LHX6: variants seen among roughly 807,000 people sequenced by gnomAD.
The protein encoded by LHX6 is LIM/homeobox protein Lhx6.
A neutral mutation model predicts 47.1 loss-of-function variants in LHX6; 15 were observed. The observed-to-expected ratio is 0.32, with a 90% CI of 0.21 to 0.49. The LOEUF (loss-of-function observed/expected upper bound fraction) is 0.49. Among genes scored for constraint, LHX6 ranks in the 20% least tolerant of loss-of-function variants. The pLI is 0.99. For synonymous variants in LHX6, 242 were observed against 233.5 expected (o/e 1.04, Z -0.33); for missense variants, 404 against 539.6 (o/e 0.75, Z 2.49).
intron 4 of LHX6, among the ~76,000 whole-genome samples, chr9:122,219,234 A>C (rs933116022): frequency 1.3e-5 from 2 of 152,194 alleles, no homozygotes; most frequent in Non-Finnish European, 2.9e-5. Context: ...TCGCAGATTC[A>C]ACCCCAACCC....
In LHX6 at chr9:122,214,407, C is replaced by T. The variant is rs1450092486; in HGVS notation, c.683-24G>A. The T allele has an allele frequency of 1.3e-6, 2 of 1,533,836 alleles. No homozygotes were observed. ...CCCTGGGGGCGATAGAAGCAGCTGA[C>T]CACGCGTCCCCATCTCTTCTAGTGG... is the stretch of plus-strand genomic sequence containing the variant. On this transcript the variant is annotated intron_variant, in intron 5 of 9. Coordinates refer to ENST00000394319, the MANE Select transcript of LHX6 (RefSeq NM_014368.5). This position sits in a 1 kb window ranked among gnomAD's most constrained non-coding sequence, Gnocchi z 4.6.
chr9:122,213,916 C>T lies in LHX6; in HGVS notation c.879+58G>A. On this transcript the variant is annotated intron_variant, in intron 7 of 9. Transcript: ENST00000394319. The surrounding 1 kb of genome is among the most constrained non-coding windows in gnomAD (Gnocchi z 5.5). ...CACGCACCACCCTCCGCGCCGAGCC[C>T]AGCTACGAGCTCCGGGGCGTGCCCG... is the stretch of plus-strand genomic sequence containing the variant. 6.5e-6 allele frequency: 10 copies of T among 1,546,180 alleles called. No homozygotes were observed. Among genetic ancestry groups the T allele is most frequent in the Non-Finnish European group, 8.8e-6 (10 of 1,137,506 alleles).
chr9:122,207,755 G>A (rs1178173582), intron 9 of LHX6, among the ~76,000 whole-genome samples: 1 of 152,116 alleles, frequency 6.6e-6, no homozygotes, highest in East Asian at 1.9e-4. Flanking sequence ...TCAATCAGGA[G>A]GCTGAGCCAG....
rs1300586778 is a variant in LHX6 at position 122,217,033 on chromosome 9, G to T, written c.682+35C>A. 1 of 1,578,928 alleles carries T rather than the reference G, an allele frequency of 6.3e-7. No individual in the cohort carries two copies. ...GGGTGGGGTGGGGTGGGAAAGGGCT[G>T]GGGGCAGAGGTGCCAGGCGGAGCAG... is the stretch of plus-strand genomic sequence containing the variant. On this transcript the variant is annotated intron_variant, in intron 5 of 9. Coordinates refer to ENST00000394319, the MANE Select transcript of LHX6 (RefSeq NM_014368.5). The surrounding 1 kb of genome is among the most constrained non-coding windows in gnomAD (Gnocchi z 4.9).
intron 4 of LHX6, among the ~76,000 whole-genome samples, chr9:122,223,424 A>G (rs1383845663): frequency 1.3e-5 from 2 of 152,202 alleles, no homozygotes; most frequent in Non-Finnish European, 2.9e-5. Context: ...GGGAAATGCC[A>G]TCATGGGCTT....
chr9:122,218,055 A>G (rs1219039929), intron 4 of LHX6, among the ~76,000 whole-genome samples: 1 of 152,200 alleles, frequency 6.6e-6, no homozygotes, highest in Non-Finnish European at 1.5e-5. Flanking sequence ...AAAAGCCCAG[A>G]TCGAATGTCT....
In LHX6 at chr9:122,226,823, C is replaced by T; in HGVS notation, c.339+25G>A. Reference sequence around the variant, plus strand: ...CTGCGTCCCACGCCCCGACAACACGCACGCAACACCTACCCCTGTCTCACC... The same window carrying T: ...CTGCGTCCCACGCCCCGACAACACGTACGCAACACCTACCCCTGTCTCACC... On this transcript the variant is annotated intron_variant, in intron 3 of 9. Coordinates refer to ENST00000394319, the MANE Select transcript of LHX6 (RefSeq NM_014368.5). This position sits in a 1 kb window ranked among gnomAD's most constrained non-coding sequence, Gnocchi z 6.5. 2 of 1,553,174 alleles carry T rather than the reference C, an allele frequency of 1.3e-6. No homozygotes were observed. The highest frequency in any genetic ancestry group is 8.7e-7 in the Non-Finnish European group (1 of 1,148,700).
rs1443979471 is a variant in LHX6, at chr9:122,213,349, G to C, written c.1054+257C>G. On this transcript the variant is annotated intron_variant, in intron 8 of 9. Transcript: ENST00000394319. The surrounding 1 kb of genome is among the most constrained non-coding windows in gnomAD (Gnocchi z 5.5). Reference sequence around the variant, plus strand: ...CCCAGTCTCCGGGCACTGGCACATTGTGGGTGCTTTGAAGGCATTTTTTGA... The same window carrying C: ...CCCAGTCTCCGGGCACTGGCACATTCTGGGTGCTTTGAAGGCATTTTTTGA... 1.3e-5 allele frequency among the ~76,000 whole-genome samples: 2 copies of C among 152,178 alleles called. No individual in the cohort carries two copies. The highest frequency in any genetic ancestry group is 3.9e-4 in the East Asian group (2 of 5,184).
rs1244777958 is a variant in LHX6 at position 122,227,427 on chromosome 9, C to G, written c.138G>C (p.Gly46=). The part of the protein sequence containing the change: ...GCKATTRCLE[G]TAPPAMAQSD... ...GACTCACCATGGCGGGCGGCGCGGT[C>G]CCTTCAAGACAGCGGGTGGTCGCTT... The change falls in exon 2 of 10, where the codon GGG becomes GGC. Residue 46 remains glycine (G), a synonymous_variant. Transcript: ENST00000394319. The G allele has an allele frequency of 1.3e-6, 2 of 1,531,942 alleles. No homozygotes were observed. The highest frequency in any genetic ancestry group is 2.8e-5 in the African/African-American group (2 of 71,818). The allele number at this position is 1,531,942 out of a possible 1,614,324, so 94.9% of individuals were successfully genotyped here.
chr9:122,225,544 A>AGT (rs1831058352), intron 4 of LHX6, among the ~76,000 whole-genome samples: 1 of 152,270 alleles, frequency 6.6e-6, no homozygotes, highest in Non-Finnish European at 1.5e-5. Flanking sequence ...CGCGGCCTGC[A>AGT]GTAGGGAGAG....
At chr9:122,207,570 C>A (rs1314853930) in intron 9 of LHX6, among the ~76,000 whole-genome samples, 1 of 152,140 alleles carries the variant, frequency 6.6e-6, no homozygotes, top group Non-Finnish European at 1.5e-5. Flanking sequence ...ACAGTCTCAG[C>A]GGCGATGGTG....
rs756188084 is a variant in LHX6 at position 122,217,246 on chromosome 9, G to A, written c.504C>T (p.Tyr168=). 1.2e-6 allele frequency: 2 copies of A among 1,613,850 alleles called. No homozygotes were observed. Among genetic ancestry groups the A allele is most frequent in the East Asian group, 4.5e-5 (2 of 44,894 alleles). ...TKCARCGRQI[Y]ASDWVRRARG... ...GAGCTCTCCGCACCCAGTCGCTGGC[G>A]TAGATCTGTCGGCCGCACCGGGCAC... Residue 168 remains tyrosine, a synonymous_variant, in exon 5 of 10, where the codon TAC becomes TAT. Coordinates refer to ENST00000394319, the MANE Select transcript of LHX6 (RefSeq NM_014368.5). The surrounding 1 kb of genome is among the most constrained non-coding windows in gnomAD (Gnocchi z 4.9).
At position 122,226,581 on chromosome 9, in the gene LHX6, C is replaced by T; in HGVS notation, c.340-84G>A. Reference sequence around the variant, plus strand: ...CAGCCTTCCCGGTCTCATTTACAGTCAGAGGCGCTGAAGCTCAGAAGGTGC... The same window carrying T: ...CAGCCTTCCCGGTCTCATTTACAGTTAGAGGCGCTGAAGCTCAGAAGGTGC... On this transcript the variant is annotated intron_variant, in intron 3 of 9. Transcript: ENST00000394319. The surrounding 1 kb of genome is among the most constrained non-coding windows in gnomAD (Gnocchi z 6.5). 2 of 1,546,420 alleles carry T rather than the reference C, an allele frequency of 1.3e-6. No homozygotes were observed. The highest frequency in any genetic ancestry group is 2.4e-5 in the South Asian group (2 of 83,650).
intron 4 of LHX6, among the ~76,000 whole-genome samples, chr9:122,223,109 T>C (rs1830940430): frequency 6.6e-6 from 1 of 152,176 alleles, no homozygotes; most frequent in African/African-American, 2.4e-5. Flanking sequence ...GTGCAGACAA[T>C]AGTCCTTGCC....
chr9:122,227,511 C>T lies in LHX6; in HGVS notation c.85-31G>A, dbSNP rs1490761728. 5 of 1,523,586 alleles carry T rather than the reference C, an allele frequency of 3.3e-6. No individual in the cohort carries two copies. The East Asian group carries it at 1.3e-4, about 39-fold the overall frequency. 94.4% of individuals were successfully genotyped at this position (1,523,586 alleles called of 1,614,324 possible). On this transcript the variant is annotated intron_variant, in intron 1 of 9. Coordinates refer to ENST00000394319, the MANE Select transcript of LHX6 (RefSeq NM_014368.5). ...GGAGGGGGGGAGGGAACGCAGGCGG[C>T]GGCGGCTGCTGAACTGGCTCCGCAC...
chr9:122,228,223 G>C, intron 1 of LHX6: 1 of 1,516,680 alleles, frequency 6.6e-7, no homozygotes. Flanking sequence ...GAGCGAGATC[G>C]GGGCGAAACG....
At position 122,226,839 on chromosome 9, in the gene LHX6, CT is replaced by C. The variant is rs1405387910; in HGVS notation, c.339+8del. 3.2e-6 allele frequency: 5 copies of C among 1,560,218 alleles called. No homozygotes were observed. The highest frequency in any genetic ancestry group is 4.3e-6 in the Non-Finnish European group (5 of 1,152,410). On this transcript the variant is annotated splice_region_variant and intron_variant, in intron 3 of 9. Coordinates refer to ENST00000394319, the MANE Select transcript of LHX6 (RefSeq NM_014368.5). This position sits in a 1 kb window ranked among gnomAD's most constrained non-coding sequence, Gnocchi z 6.5. ...GACAACACGCACGCAACACCTACCCCTGTCTCACCTTGAGCAGATATCGGTC... is the reference window on the plus strand; with the variant it reads ...GACAACACGCACGCAACACCTACCCCGTCTCACCTTGAGCAGATATCGGTC...
At chr9:122,209,182 G>T (rs1830305639) in intron 9 of LHX6, among the ~76,000 whole-genome samples, 1 of 152,222 alleles carries the variant, frequency 6.6e-6, no homozygotes, top group Admixed American at 6.5e-5. Flanking sequence ...CACAGAGGAG[G>T]CCCTGCCAGT....
At position 122,213,320 on chromosome 9, in the gene LHX6, T is replaced by C. The variant is rs1379032570; in HGVS notation, c.1054+286A>G. On this transcript the variant is annotated intron_variant, in intron 8 of 9. Coordinates refer to ENST00000394319, the MANE Select transcript of LHX6 (RefSeq NM_014368.5). The surrounding 1 kb of genome is among the most constrained non-coding windows in gnomAD (Gnocchi z 5.5). ...AGTAGGTACCTTGTCCAGCCTGTTCTCTCCCCAGTCTCCGGGCACTGGCAC... is the reference window on the plus strand; with the variant it reads ...AGTAGGTACCTTGTCCAGCCTGTTCCCTCCCCAGTCTCCGGGCACTGGCAC... Among the ~76,000 whole-genome samples, 3 of 152,104 alleles carry C rather than the reference T, an allele frequency of 2.0e-5. No individual in the cohort carries two copies. Among genetic ancestry groups the C allele is most frequent in the African/African-American group, 7.2e-5 (3 of 41,410 alleles).
Sources: allele counts gnomAD v4.1 joint callset (sites outside exome capture counted in the v4.1 genomes callset), GRCh38; gene constraint gnomAD v4.1.1; non-coding constraint Gnocchi (gnomAD v3.1); transcripts MANE v1.5; gene names NCBI Gene and HGNC (gene_info 2026-07-23, HGNC 2026-07-21).